The following PTPRG variants were observed in gnomAD, a reference collection of about 807,000 sequenced individuals.
PTPRG encodes receptor-type tyrosine-protein phosphatase gamma.
Under a neutral mutation model 165.3 loss-of-function variants are expected in PTPRG, and 102 were observed. The ratio of observed to expected loss-of-function variants is 0.62; its 90% CI spans 0.53 to 0.73. The LOEUF (loss-of-function observed/expected upper bound fraction) is 0.73. PTPRG is among the 30% of genes least tolerant of loss of function. The probability of loss-of-function intolerance (pLI) is 0.00; values close to 1 mark genes in which losing one functional copy is unlikely to be tolerated. For synonymous variants in PTPRG, 675 were observed against 669.5 expected (o/e 1.01, Z -0.13); for missense variants, 1,866 against 1,861.4 (o/e 1.00, Z -0.05).
chr3:61,813,569 G>GTGTC (rs2035659661), intron 2 of PTPRG, among the ~76,000 whole-genome samples: 1 of 149,376 alleles, frequency 6.7e-6, no homozygotes, highest in South Asian at 2.1e-4. Context: ...GTGTGTGTGT[G>GTGTC]TGTGTGTGTG....
intron 2 of PTPRG, among the ~76,000 whole-genome samples, chr3:61,778,522 G>A (rs922740419): frequency 2.6e-5 from 4 of 152,100 alleles, no homozygotes. Flanking sequence ...ACTTAGGCCC[G>A]GAACGTTGGG....
intron 4 of PTPRG, among the ~76,000 whole-genome samples, chr3:62,007,916 T>C (rs1233772129): frequency 6.6e-6 from 1 of 152,242 alleles, no homozygotes; most frequent in Non-Finnish European, 1.5e-5. Context: ...TCCAAATGTC[T>C]GCTGTAAATA....
chr3:61,584,820 A>C (rs921908753), intron 1 of PTPRG, among the ~76,000 whole-genome samples: 5 of 152,198 alleles, frequency 3.3e-5, no homozygotes, highest in African/African-American at 1.2e-4. Context: ...TGCCTGCCCC[A>C]GACCAATGGA....
intron 19 of PTPRG, 138 bp downstream of exon 19, chr3:62,267,957 CT>C: frequency 9.9e-7 from 1 of 1,013,756 alleles, no homozygotes; most frequent in Non-Finnish European, 1.4e-6. Context: ...CTTTATCTTG[CT>C]TATGATTCAG....
chr3:62,140,897 G>A (rs569291162), intron 6 of PTPRG, among the ~76,000 whole-genome samples: 204 of 148,298 alleles, frequency 1.4e-3, no homozygotes, highest in African/African-American at 4.9e-3. Flanking sequence ...GGAATATATT[G>A]AGTGAAAAGG....
chr3:62,053,782 A>G (rs1700541803), intron 4 of PTPRG, among the ~76,000 whole-genome samples: 1 of 152,186 alleles, frequency 6.6e-6, no homozygotes, highest in African/African-American at 2.4e-5. Flanking sequence ...AAACTAAAAT[A>G]TAGATTTCCT....
At chr3:61,912,959 T>C (rs2038839418) in intron 2 of PTPRG, among the ~76,000 whole-genome samples, 1 of 152,190 alleles carries the variant, frequency 6.6e-6, no homozygotes, top group Admixed American at 6.5e-5. Context: ...AACAGGTGTA[T>C]GTGAAGGACT....
chr3:61,719,127 G>T (rs2031942499), intron 1 of PTPRG, among the ~76,000 whole-genome samples: 1 of 152,164 alleles, frequency 6.6e-6, no homozygotes, highest in African/African-American at 2.4e-5. Flanking sequence ...TTCCAGACAT[G>T]AGACATTGTA....
At chr3:61,966,053 A>C (rs2107650805) in intron 2 of PTPRG, among the ~76,000 whole-genome samples, 1 of 152,386 alleles carries the variant, frequency 6.6e-6, no homozygotes, top group African/African-American at 2.4e-5. Flanking sequence ...CCAGATTAGT[A>C]GATTTCAAAA....
At chr3:61,972,401 T>C (rs1363216289) in intron 2 of PTPRG, among the ~76,000 whole-genome samples, 4 of 144,646 alleles carry the variant, frequency 2.8e-5, no homozygotes, top group Non-Finnish European at 4.5e-5. Flanking sequence ...AGCATGCTGT[T>C]GGGGGGTTTC....
chr3:62,287,201 T>C (rs1236374597), intron 28 of PTPRG, among the ~76,000 whole-genome samples: 1 of 152,146 alleles, frequency 6.6e-6, no homozygotes, highest in Non-Finnish European at 1.5e-5. Context: ...TTCTTAAGTT[T>C]AACCATTTCA....
chr3:61,739,662 G>A (rs530610788), intron 1 of PTPRG, among the ~76,000 whole-genome samples: 3 of 152,316 alleles, frequency 2.0e-5, no homozygotes, highest in South Asian at 4.2e-4. Flanking sequence ...AGAATTACAT[G>A]AGCCTGTGTA....
intron 1 of PTPRG, among the ~76,000 whole-genome samples, chr3:61,713,101 C>G (rs1158797680): frequency 6.6e-6 from 1 of 150,716 alleles, no homozygotes; most frequent in African/African-American, 2.4e-5. Flanking sequence ...AAATGCATGT[C>G]TTTGGGTTCA....
intron 15 of PTPRG, among the ~76,000 whole-genome samples, chr3:62,248,639 A>C (rs1386151412): frequency 6.6e-6 from 1 of 152,182 alleles, no homozygotes; most frequent in Non-Finnish European, 1.5e-5. Flanking sequence ...TTAGGCTTTC[A>C]TTATATATAA....
chr3:62,026,033 C>T (rs934406592), intron 4 of PTPRG, among the ~76,000 whole-genome samples: 2 of 152,104 alleles, frequency 1.3e-5, no homozygotes, highest in Admixed American at 1.3e-4. Context: ...AATGATTTTG[C>T]GACCTAGGCA....
chr3:62,056,868 T>C (rs926293422), intron 4 of PTPRG, among the ~76,000 whole-genome samples: 2 of 152,220 alleles, frequency 1.3e-5, no homozygotes, highest in Non-Finnish European at 2.9e-5. Flanking sequence ...AGACAAACTG[T>C]TTCTGTTGAA....
intron 4 of PTPRG, 104 bp downstream of exon 4, chr3:62,003,601 G>A: frequency 1.4e-6 from 2 of 1,401,772 alleles, no homozygotes; most frequent in Non-Finnish European, 1.9e-6. Flanking sequence ...CAGCTGTACA[G>A]TACCTAACTT....
chr3:61,671,926 G>A (rs1176942865), intron 1 of PTPRG, among the ~76,000 whole-genome samples: 3 of 144,338 alleles, frequency 2.1e-5, no homozygotes, highest in Non-Finnish European at 3.0e-5. Flanking sequence ...TCCCGGACGA[G>A]GTGGCTGCTG....
intron 1 of PTPRG, among the ~76,000 whole-genome samples, chr3:61,735,224 A>T (rs2032672676): frequency 6.6e-6 from 1 of 152,168 alleles, no homozygotes; most frequent in African/African-American, 2.4e-5. Context: ...TGTGGTTAGA[A>T]TTTTTTTAAT....
Sources: allele counts gnomAD v4.1 joint callset (sites outside exome capture counted in the v4.1 genomes callset), GRCh38; gene constraint gnomAD v4.1.1; transcripts MANE v1.5; gene names NCBI Gene and HGNC (gene_info 2026-07-23, HGNC 2026-07-21).